Variants in KHDRBS2 observed in about 807,000 individuals in gnomAD.
The protein encoded by KHDRBS2 is KH RNA binding domain containing, signal transduction associated 2, also known as KH domain-containing, RNA-binding, signal transduction-associated protein 2.
Under a neutral mutation model 44.3 loss-of-function variants are expected in KHDRBS2, and 26 were observed. That is an observed-to-expected ratio of 0.59 (90% CI 0.43 to 0.81). The LOEUF (loss-of-function observed/expected upper bound fraction) is 0.81, where lower values mean the gene tolerates loss of function less well. Ranked by LOEUF, KHDRBS2 falls within the 40% of genes least tolerant of loss-of-function variation. The pLI is 0.00. For synonymous variants in KHDRBS2, 194 were observed against 151.1 expected, an observed-to-expected ratio of 1.28 and a Z score of -2.08; for missense variants, 476 against 433.1, an observed-to-expected ratio of 1.10 and a Z score of -0.88.
intron 3 of KHDRBS2, among the ~76,000 whole-genome samples, chr6:62,006,871 A>T (rs761005588): frequency 1.3e-5 from 2 of 152,110 alleles, no homozygotes; most frequent in Non-Finnish European, 2.9e-5. Flanking sequence ...CATAAATAAA[A>T]TAAAGCCTCA....
intron 2 of KHDRBS2, among the ~76,000 whole-genome samples, chr6:62,107,444 G>A (rs1022228604): frequency 1.5e-4 from 23 of 152,020 alleles, no homozygotes; most frequent in African/African-American, 5.1e-4. Context: ...AAATAAAAGA[G>A]GATACAAACA....
At chr6:62,161,635 A>AG (rs199972538) in intron 2 of KHDRBS2, among the ~76,000 whole-genome samples, 2,551 of 147,800 alleles carry the variant, frequency 0.017, 48 homozygotes, top group Non-Finnish European at 0.028. Flanking sequence ...TTTACTGATA[A>AG]GGAGAAATTT....
chr6:61,759,615 A>T lies in KHDRBS2; in HGVS notation c.811-26851T>A, dbSNP rs576305070. Among the ~76,000 whole-genome samples, 73 of 152,270 alleles carry T rather than the reference A, an allele frequency of 4.8e-4. 1 individual carries two copies. The highest frequency in any genetic ancestry group is 2.3e-3 in the South Asian group (11 of 4,824). ...CAGCTCTCTTTGAAGATGCGGTCAA[A>T]CTCACTAAGCCATATGCTTCCAATA... On this transcript the variant is annotated intron_variant, in intron 6 of 8. Coordinates refer to ENST00000281156, the MANE Select transcript of KHDRBS2 (RefSeq NM_152688.4).
At chr6:61,642,996 G>A in the KHDRBS2 span, among the ~76,000 whole-genome samples, 1 of 152,112 alleles carries the variant, frequency 6.6e-6, no homozygotes, top group Non-Finnish European at 1.5e-5. Context: ...AAAATTATTT[G>A]GGAGATGCAT....
intron 7 of KHDRBS2, among the ~76,000 whole-genome samples, chr6:61,730,476 A>G (rs1166858223): frequency 1.3e-5 from 2 of 152,146 alleles, no homozygotes; most frequent in Admixed American, 1.3e-4. Flanking sequence ...AGGCTGTATT[A>G]GAAAAGGATT....
intron 6 of KHDRBS2, among the ~76,000 whole-genome samples, chr6:61,733,970 C>A (rs1284028432): frequency 6.6e-6 from 1 of 152,146 alleles, no homozygotes; most frequent in African/African-American, 2.4e-5. Context: ...GCTTACAAAT[C>A]TCTCTTTATC....
At chr6:61,754,285 A>T (rs1778160136) in intron 6 of KHDRBS2, among the ~76,000 whole-genome samples, 1 of 152,168 alleles carries the variant, frequency 6.6e-6, no homozygotes, top group Admixed American at 6.5e-5. Context: ...CCACAAAAAA[A>T]TGGAGCAATG....
chr6:61,812,544 C>T (rs544766696), intron 6 of KHDRBS2, among the ~76,000 whole-genome samples: 78 of 151,870 alleles, frequency 5.1e-4, no homozygotes, highest in African/African-American at 1.8e-3. Flanking sequence ...ATAAATGCAT[C>T]GTATATTATA....
chr6:62,233,793 T>A (rs1212757705), intron 1 of KHDRBS2, among the ~76,000 whole-genome samples: 1 of 152,140 alleles, frequency 6.6e-6, no homozygotes, highest in Non-Finnish European at 1.5e-5. Flanking sequence ...TCTAGCTCCA[T>A]CAATGTTCCT....
At chr6:61,813,707 A>G (rs1380870201) in intron 6 of KHDRBS2, among the ~76,000 whole-genome samples, 1 of 152,176 alleles carries the variant, frequency 6.6e-6, no homozygotes, top group African/African-American at 2.4e-5. Flanking sequence ...GCTCAGTTCT[A>G]CTAGCAGAAC....
intron 2 of KHDRBS2, among the ~76,000 whole-genome samples, chr6:62,064,920 C>CA (rs1232296835): frequency 6.6e-6 from 1 of 150,614 alleles, no homozygotes; most frequent in Admixed American, 6.6e-5. Flanking sequence ...ACAATGAACT[C>CA]AAACAAATTT....
At chr6:61,669,292 C>T in the KHDRBS2 span, among the ~76,000 whole-genome samples, 79 of 150,864 alleles carry the variant, frequency 5.2e-4, 1 homozygote, top group African/African-American at 1.6e-3. Flanking sequence ...ATTATTATTA[C>T]GGAAACAATT....
intron 3 of KHDRBS2, among the ~76,000 whole-genome samples, chr6:61,993,384 C>G (rs1354705986): frequency 6.6e-6 from 1 of 151,750 alleles, no homozygotes; most frequent in Non-Finnish European, 1.5e-5. Flanking sequence ...TGAGATGCTA[C>G]ATAAACAGAA....
At chr6:61,619,955 G>A in the KHDRBS2 span, among the ~76,000 whole-genome samples, 1 of 152,228 alleles carries the variant, frequency 6.6e-6, no homozygotes, top group African/African-American at 2.4e-5. Flanking sequence ...TATGCATTAA[G>A]ACCTTCAGTC....
chr6:61,607,984 G>C, the KHDRBS2 span, among the ~76,000 whole-genome samples: 2 of 152,152 alleles, frequency 1.3e-5, no homozygotes, highest in South Asian at 4.1e-4. Context: ...CACCATGCCC[G>C]GCCTAGAAAT....
At chr6:61,578,001 A>AT in the KHDRBS2 span, among the ~76,000 whole-genome samples, 193 of 152,180 alleles carry the variant, frequency 1.3e-3, no homozygotes, top group African/African-American at 4.4e-3. Flanking sequence ...GTCTCTCTTC[A>AT]TTAATAAAAC....
At chr6:62,270,277 ATC>A (rs147450056) in intron 1 of KHDRBS2, among the ~76,000 whole-genome samples, 29 of 120,540 alleles carry the variant, frequency 2.4e-4, no homozygotes, top group Admixed American at 3.3e-4. Flanking sequence ...GTGGAACCCC[ATC>A]TCTCTCTCTC....
At chr6:61,915,463 G>C (rs1238316524) in intron 4 of KHDRBS2, among the ~76,000 whole-genome samples, 4 of 151,966 alleles carry the variant, frequency 2.6e-5, no homozygotes, top group African/African-American at 9.7e-5. Flanking sequence ...TTTTGTGATA[G>C]CAAGAGGAAG....
chr6:61,695,575 T>A (rs1193799066), intron 8 of KHDRBS2, among the ~76,000 whole-genome samples: 1 of 152,144 alleles, frequency 6.6e-6, no homozygotes, highest in East Asian at 1.9e-4. Flanking sequence ...CAACCACCGA[T>A]GAGAATATAA....
Sources: allele counts gnomAD v4.1 joint callset (sites outside exome capture counted in the v4.1 genomes callset), GRCh38; gene constraint gnomAD v4.1.1; transcripts MANE v1.5; gene names NCBI Gene and HGNC (gene_info 2026-07-23, HGNC 2026-07-21).